Variants in SLC10A7 observed in about 807,000 individuals in gnomAD.
The protein encoded by SLC10A7 is sodium/bile acid cotransporter 7.
Under a neutral mutation model 43.2 loss-of-function variants are expected in SLC10A7, and 29 were observed. The observed-to-expected ratio is 0.67, with a 90% confidence interval of 0.50 to 0.92. The LOEUF (loss-of-function observed/expected upper bound fraction) is 0.92, where lower values mean the gene tolerates loss of function less well. Among genes scored for constraint, SLC10A7 ranks in the 40% least tolerant of loss-of-function variants. The pLI is 0.00. For synonymous variants in SLC10A7, 152 were observed against 144.8 expected (o/e 1.05, Z -0.35); for missense variants, 295 against 403.2 (o/e 0.73, Z 2.30).
chr4:146,293,043 T>G lies in SLC10A7; in HGVS notation c.722-63A>C. 2.9e-6 allele frequency: 3 copies of G among 1,022,470 alleles called. No homozygotes were observed. In the South Asian group the frequency reaches 4.5e-5, roughly 15 times the overall value. The allele number at this position is 1,022,470 out of a possible 1,614,324, so 63.3% of individuals were successfully genotyped here. On this transcript the variant is annotated intron_variant, in intron 8 of 11. Transcript: ENST00000335472. ...AAAGCAGTATTTGTAGCATACTTAT[T>G]GGTATACTTGTTTTATCTAAAATTT...
intron 5 of SLC10A7, among the ~76,000 whole-genome samples, chr4:146,363,097 A>G (rs1487823115): frequency 6.6e-6 from 1 of 152,018 alleles, no homozygotes; most frequent in Non-Finnish European, 1.5e-5. Flanking sequence ...AACAAGACCC[A>G]ACAATATGCT....
intron 5 of SLC10A7, among the ~76,000 whole-genome samples, chr4:146,397,513 G>A (rs141429048): frequency 6.6e-6 from 1 of 152,268 alleles, no homozygotes; most frequent in East Asian, 1.9e-4. Context: ...CCATAACTAT[G>A]TTCTGGTCTG....
At chr4:146,322,293 C>T (rs926658473) in intron 6 of SLC10A7, among the ~76,000 whole-genome samples, 4 of 151,934 alleles carry the variant, frequency 2.6e-5, no homozygotes, top group African/African-American at 9.7e-5. Context: ...CATATGTATA[C>T]ATGTGCCATG....
chr4:146,415,416 T>C (rs1728495227), intron 5 of SLC10A7, among the ~76,000 whole-genome samples: 1 of 152,220 alleles, frequency 6.6e-6, no homozygotes, highest in Non-Finnish European at 1.5e-5. Context: ...TTTACTACCA[T>C]TTTACATGCT....
rs528306785 is a variant in SLC10A7, at chr4:146,424,684, A to C, written c.435+18099T>G. ...CAGAAAAAAACAAAAAAAAAACAAAAACAAAAACAAAAAAACAGAAGAAAC... is the reference window on the plus strand; with the variant it reads ...CAGAAAAAAACAAAAAAAAAACAAACACAAAAACAAAAAAACAGAAGAAAC... On this transcript the variant is annotated intron_variant, in intron 5 of 11. Transcript: ENST00000335472. Among the ~76,000 whole-genome samples the C allele has an allele frequency of 3.9e-5, 6 of 152,094 alleles. No individual in the cohort carries two copies. The South Asian group carries it at 1.2e-3, about 32-fold the overall frequency.
At position 146,258,611 on chromosome 4, in the gene SLC10A7, C is replaced by T. The variant is rs1042780767; in HGVS notation, c.993+81G>A. 72 of 1,377,180 alleles carry T rather than the reference C, an allele frequency of 5.2e-5. No individual in the cohort carries two copies. In the South Asian group the frequency reaches 7.9e-4, roughly 15 times the overall value. 85.3% of individuals were successfully genotyped at this position (1,377,180 alleles called of 1,614,324 possible). ...GAAAACAAAGATATGCAAGCAAAAT[C>T]GAAAGTGTATGAACAGTTCAGATTC... On this transcript the variant is annotated intron_variant, in intron 11 of 11. Coordinates refer to ENST00000335472, the MANE Select transcript of SLC10A7 (RefSeq NM_001029998.6).
intron 6 of SLC10A7, among the ~76,000 whole-genome samples, chr4:146,314,487 C>T (rs1216223466): frequency 1.3e-5 from 2 of 152,092 alleles, no homozygotes; most frequent in Non-Finnish European, 2.9e-5. Context: ...TGCTGAGGGG[C>T]CAGCTCTCTA....
At chr4:146,261,712 G>A (rs1396651713) in intron 10 of SLC10A7, among the ~76,000 whole-genome samples, 1 of 152,118 alleles carries the variant, frequency 6.6e-6, no homozygotes, top group Admixed American at 6.5e-5. Flanking sequence ...CTTCTTGCTA[G>A]TCATTAATCA....
intron 7 of SLC10A7, among the ~76,000 whole-genome samples, chr4:146,296,130 T>A (rs1730769095): frequency 6.6e-6 from 1 of 152,136 alleles, no homozygotes; most frequent in South Asian, 2.1e-4. Flanking sequence ...AAACCCCTGA[T>A]AAAAATGTGT....
At chr4:146,267,847 C>G (rs937744423) in intron 10 of SLC10A7, among the ~76,000 whole-genome samples, 1 of 152,106 alleles carries the variant, frequency 6.6e-6, no homozygotes, top group Admixed American at 6.6e-5. Flanking sequence ...TTCCAAATTG[C>G]TAAATAGAAA....
chr4:146,304,854 A>G (rs1731436084), intron 7 of SLC10A7, among the ~76,000 whole-genome samples: 2 of 152,184 alleles, frequency 1.3e-5, no homozygotes, highest in African/African-American at 2.4e-5. Context: ...GTGGGGCGTT[A>G]AAGTCTCCCA....
intron 5 of SLC10A7, among the ~76,000 whole-genome samples, chr4:146,372,113 G>A (rs1261234380): frequency 6.6e-6 from 1 of 152,128 alleles, no homozygotes; most frequent in East Asian, 1.9e-4. Flanking sequence ...TAAACCTAGA[G>A]ACTCTTATTC....
chr4:146,324,356 G>A (rs959344357), intron 6 of SLC10A7, among the ~76,000 whole-genome samples: 2 of 152,116 alleles, frequency 1.3e-5, no homozygotes, highest in Non-Finnish European at 2.9e-5. Context: ...AAAAGAGCCT[G>A]CATTGCCAAC....
At chr4:146,499,704 CT>C (rs1560969344) in intron 4 of SLC10A7, among the ~76,000 whole-genome samples, 2 of 152,058 alleles carry the variant, frequency 1.3e-5, no homozygotes. Context: ...TCTTATACCC[CT>C]GGTCTACAAA....
chr4:146,488,195 G>GA (rs1188082723), intron 4 of SLC10A7, among the ~76,000 whole-genome samples: 2 of 146,858 alleles, frequency 1.4e-5, no homozygotes. Context: ...TGCCTCAAAA[G>GA]AAAAAAAAAG....
intron 9 of SLC10A7, among the ~76,000 whole-genome samples, chr4:146,287,426 G>A (rs1730108373): frequency 6.6e-6 from 1 of 152,134 alleles, no homozygotes; most frequent in Non-Finnish European, 1.5e-5. Flanking sequence ...TATCTGAGCT[G>A]GAAGCAAAAG....
At chr4:146,360,251 T>C (rs1471810056) in intron 5 of SLC10A7, among the ~76,000 whole-genome samples, 1 of 124,782 alleles carries the variant, frequency 8.0e-6, no homozygotes, top group Non-Finnish European at 1.7e-5. Flanking sequence ...AACTTCCTAG[T>C]CTCCAAACTC....
At chr4:146,415,193 TAACTTG>T in intron 5 of SLC10A7, among the ~76,000 whole-genome samples, 1 of 152,344 alleles carries the variant, frequency 6.6e-6, no homozygotes. Context: ...CTACTTTCTG[TAACTTG>T]AACTAACCTC....
At chr4:146,278,551 A>AG (rs900797478) in intron 10 of SLC10A7, among the ~76,000 whole-genome samples, 1 of 152,174 alleles carries the variant, frequency 6.6e-6, no homozygotes, top group African/African-American at 2.4e-5. Flanking sequence ...GAGGGTCTGA[A>AG]GGTATTTTTT....
Sources: allele counts gnomAD v4.1 joint callset (sites outside exome capture counted in the v4.1 genomes callset), GRCh38; gene constraint gnomAD v4.1.1; transcripts MANE v1.5; gene names NCBI Gene and HGNC (gene_info 2026-07-23, HGNC 2026-07-21).